PALM2AKAP2: variants seen among roughly 807,000 people sequenced by gnomAD.
The protein encoded by PALM2AKAP2 is PALM2 and AKAP2 fusion, also known as PALM2-AKAP2 fusion protein.
A neutral mutation model predicts 71.5 loss-of-function variants in PALM2AKAP2; 37 were observed. The ratio of observed to expected loss-of-function variants is 0.52; its 90% CI spans 0.40 to 0.68. The LOEUF is 0.68. Ranked by LOEUF, PALM2AKAP2 falls within the 30% of genes least tolerant of loss-of-function variation. The probability of loss-of-function intolerance (pLI) is 0.00; values close to 1 mark genes in which losing one functional copy is unlikely to be tolerated. For synonymous variants in PALM2AKAP2, 468 were observed against 478.8 expected (o/e 0.98, Z 0.29); for missense variants, 1,224 against 1,191.8 (o/e 1.03, Z -0.40).
intron 1 of PALM2AKAP2, among the ~76,000 whole-genome samples, chr9:109,649,456 T>C (rs987767651): frequency 1.3e-5 from 2 of 152,250 alleles, no homozygotes; most frequent in African/African-American, 2.4e-5. Flanking sequence ...TTTATGGTTA[T>C]CTTCAATTTA....
At chr9:109,647,347 T>C (rs985726378) in intron 1 of PALM2AKAP2, among the ~76,000 whole-genome samples, 1 of 152,236 alleles carries the variant, frequency 6.6e-6, no homozygotes, top group East Asian at 1.9e-4. Flanking sequence ...GGAATATCAT[T>C]AACCAGTTCT....
chr9:109,700,086 A>G (rs1469343239), intron 1 of PALM2AKAP2, among the ~76,000 whole-genome samples: 1 of 152,130 alleles, frequency 6.6e-6, no homozygotes, highest in East Asian at 1.9e-4. Context: ...CTCTTATAAT[A>G]CATTAAAATA....
intron 1 of PALM2AKAP2, among the ~76,000 whole-genome samples, chr9:109,670,208 C>T (rs960309004): frequency 2.8e-4 from 42 of 152,096 alleles, no homozygotes; most frequent in African/African-American, 9.2e-4. Flanking sequence ...CAGATTATTT[C>T]ATCACCCAGG....
intron 7 of PALM2AKAP2, among the ~76,000 whole-genome samples, chr9:110,027,121 T>A (rs894775595): frequency 5.9e-5 from 9 of 152,174 alleles, no homozygotes; most frequent in African/African-American, 2.2e-4. Flanking sequence ...ACAAGCTAGA[T>A]TTTTAAAGAT....
intron 6 of PALM2AKAP2, among the ~76,000 whole-genome samples, chr9:109,948,103 C>G (rs956094140): frequency 6.6e-6 from 1 of 152,186 alleles, no homozygotes; most frequent in African/African-American, 2.4e-5. Context: ...TCTGGTATTA[C>G]CAGGAAAACT....
At chr9:110,054,340 G>A (rs1397450312) in intron 1 of PALM2AKAP2, among the ~76,000 whole-genome samples, 4 of 152,056 alleles carry the variant, frequency 2.6e-5, no homozygotes, top group African/African-American at 7.2e-5. Context: ...CAGAGGTTGC[G>A]GTGGGCCGAC....
In PALM2AKAP2 at chr9:110,162,091, C is replaced by T; in HGVS notation, c.2748+5594C>T. ...TAACCCTGGTCTTTTCCCTCTCTGC[C>T]AGTACACTTCTAAGTTACTGTCTTG... On this transcript the variant is annotated intron_variant, in intron 3 of 3. Coordinates refer to ENST00000374525, the Ensembl canonical transcript of PALM2AKAP2. 1 of 1,613,944 alleles carries T rather than the reference C, an allele frequency of 6.2e-7. No individual in the cohort carries two copies. The highest frequency in any genetic ancestry group is 8.5e-7 in the Non-Finnish European group (1 of 1,179,938).
chr9:110,019,182 G>T (rs926549122), intron 7 of PALM2AKAP2, among the ~76,000 whole-genome samples: 2 of 149,226 alleles, frequency 1.3e-5, no homozygotes, highest in African/African-American at 2.5e-5. Flanking sequence ...AGAGATTGCC[G>T]TGAGCCGAGT....
chr9:109,881,604 C>T (rs1470143820), intron 3 of PALM2AKAP2, among the ~76,000 whole-genome samples: 2 of 152,170 alleles, frequency 1.3e-5, no homozygotes, highest in Non-Finnish European at 2.9e-5. Flanking sequence ...GGTTCTCAAC[C>T]AGGATCTGAT....
intron 1 of PALM2AKAP2, among the ~76,000 whole-genome samples, chr9:110,087,249 T>C (rs1345353436): frequency 2.0e-5 from 3 of 152,196 alleles, no homozygotes; most frequent in Admixed American, 2.0e-4. Flanking sequence ...CCTTTTGTGC[T>C]CTCCATCAAG....
chr9:110,084,184 T>G (rs930201066), intron 1 of PALM2AKAP2, among the ~76,000 whole-genome samples: 1 of 152,088 alleles, frequency 6.6e-6, no homozygotes, highest in African/African-American at 2.4e-5. Flanking sequence ...TAAGCAAAGG[T>G]GGGGAAATAC....
At chr9:110,139,335 G>C (rs1835971896) in intron 2 of PALM2AKAP2, among the ~76,000 whole-genome samples, 1 of 152,132 alleles carries the variant, frequency 6.6e-6, no homozygotes, top group Non-Finnish European at 1.5e-5. Context: ...GAATGTGATA[G>C]CAATCAGGGA....
chr9:109,890,166 A>C (rs1388273176), intron 3 of PALM2AKAP2, among the ~76,000 whole-genome samples: 2 of 152,254 alleles, frequency 1.3e-5, no homozygotes, highest in Admixed American at 1.3e-4. Flanking sequence ...TTTTGAAGGC[A>C]GCAGACAAGA....
chr9:109,921,936 A>C (rs1257813594), intron 3 of PALM2AKAP2, among the ~76,000 whole-genome samples: 2 of 152,164 alleles, frequency 1.3e-5, no homozygotes, highest in Non-Finnish European at 2.9e-5. Context: ...ATTGCTGCAA[A>C]GATTATCCCT....
Position 109,685,386 on chromosome 9 carries a change from G to T in PALM2AKAP2, c.5+44520G>T, listed in dbSNP as rs183008594. On this transcript the variant is annotated intron_variant, in intron 1 of 6. Transcript: ENST00000374531. ...TACACAGTTATATGTCAGAGATATT[G>T]TGAGTTCAGTTCCAGACCACCACGA... is the stretch of plus-strand genomic sequence containing the variant. Among the ~76,000 whole-genome samples the T allele has an allele frequency of 5.3e-5, 8 of 152,180 alleles. No individual in the cohort carries two copies. The East Asian group carries it at 1.5e-3, about 29-fold the overall frequency.
At chr9:109,854,763 CTTTTTTTTTTT>C (rs34401582) in intron 1 of PALM2AKAP2, among the ~76,000 whole-genome samples, 6 of 66,158 alleles carry the variant, frequency 9.1e-5, no homozygotes, top group Admixed American at 7.1e-4. Flanking sequence ...AAGAATGTAT[CTTTTTTTTTTT>C]TTTTTTTTTT....
At chr9:110,124,594 C>T (rs544599598) in intron 1 of PALM2AKAP2, among the ~76,000 whole-genome samples, 33 of 152,152 alleles carry the variant, frequency 2.2e-4, no homozygotes, top group Non-Finnish European at 7.4e-5. Context: ...CTGATAAACA[C>T]GCCAACTCCC....
chr9:109,982,006 G>C (rs1249473929), intron 6 of PALM2AKAP2, among the ~76,000 whole-genome samples: 1 of 152,158 alleles, frequency 6.6e-6, no homozygotes, highest in Non-Finnish European at 1.5e-5. Flanking sequence ...TCCCATGTTT[G>C]TTGCAGCATT....
chr9:110,078,903 A>T (rs1834382892), intron 1 of PALM2AKAP2, among the ~76,000 whole-genome samples: 1 of 152,212 alleles, frequency 6.6e-6, no homozygotes, highest in Admixed American at 6.5e-5. Flanking sequence ...AAATACATTT[A>T]GCTGATCTTT....
Sources: allele counts gnomAD v4.1 joint callset (sites outside exome capture counted in the v4.1 genomes callset), GRCh38; gene constraint gnomAD v4.1.1; transcripts MANE v1.5; gene names NCBI Gene and HGNC (gene_info 2026-07-23, HGNC 2026-07-21).